The following LRRC52 variants were observed in gnomAD, a reference collection of about 807,000 sequenced individuals.
LRRC52 encodes leucine rich repeat containing 52.
Under a neutral mutation model 14.7 loss-of-function variants are expected in LRRC52, and 15 were observed. The ratio of observed to expected loss-of-function variants is 1.02; its 90% CI spans 0.68 to 1.58. LRRC52 has a LOEUF of 1.58. Among genes scored for constraint, LRRC52 ranks in the 40% most tolerant of loss-of-function variants. The pLI is 0.00. For missense variants in LRRC52, 400 were observed against 387.7 expected, an observed-to-expected ratio of 1.03 and a Z score of -0.27; for synonymous variants, 180 against 163.9, an observed-to-expected ratio of 1.10 and a Z score of -0.75.
Position 165,546,544 on chromosome 1 carries a change from T to C in LRRC52, c.622+1626T>C, listed in dbSNP as rs2101823054. 2.0e-5 allele frequency among the ~76,000 whole-genome samples: 3 copies of C among 152,304 alleles called. No homozygotes were observed. The Middle Eastern group carries it at 0.01, about 518-fold the overall frequency. ...GACCTGTGGTCCATAAAGGGGATTC[T>C]CCCCTGTCCATGTTCCTGTAAATTA... On this transcript the variant is annotated intron_variant, in intron 1 of 1. Transcript: ENST00000294818.
At chr1:165,556,268 A>C (rs10753682) in intron 1 of LRRC52, among the ~76,000 whole-genome samples, 96,036 of 152,136 alleles carry the variant, frequency 0.63, 32,634 homozygotes, top group East Asian at 0.87. Context: ...GTAACCTAAA[A>C]CACCTGTAAA....
intron 1 of LRRC52, among the ~76,000 whole-genome samples, chr1:165,560,527 T>C (rs533337664): frequency 2.6e-5 from 4 of 152,180 alleles, no homozygotes; most frequent in Admixed American, 6.5e-5. Context: ...TCATGCAAGA[T>C]AGAATGTGAT....
intron 1 of LRRC52, among the ~76,000 whole-genome samples, chr1:165,561,309 C>T (rs1037153994): frequency 1.3e-5 from 2 of 152,180 alleles, no homozygotes; most frequent in Non-Finnish European, 2.9e-5. Flanking sequence ...ATGAGATAAA[C>T]CCCCCTAGAC....
Position 165,563,654 on chromosome 1 carries a change from G to A in LRRC52, c.772G>A (p.Ala258Thr), listed in dbSNP as rs1331070925. The A allele has an allele frequency of 3.0e-5, 48 of 1,614,062 alleles. No homozygotes were observed. Among genetic ancestry groups the A allele is most frequent in the African/African-American group, 8.0e-5 (6 of 74,922 alleles). ...LLLIGFCIFA[A>T]GTVAAWLTGV... is the part of the protein sequence containing the mutation. ...GCTCATCGGCTTCTGCATCTTCGCC[G>A]CGGGAACTGTGGCTGCCTGGCTCAC... The change falls in exon 2 of 2, where the codon GCG (alanine) becomes ACG (threonine). Residue 258 changes from alanine (A) to threonine (T), a missense_variant. Coordinates refer to ENST00000294818, the MANE Select transcript of LRRC52 (RefSeq NM_001005214.4).
intron 1 of LRRC52, among the ~76,000 whole-genome samples, chr1:165,547,308 A>C (rs1661043523): frequency 6.6e-6 from 1 of 152,196 alleles, no homozygotes; most frequent in African/African-American, 2.4e-5. Context: ...TATAAATATA[A>C]GTTATATTAT....
intron 1 of LRRC52, among the ~76,000 whole-genome samples, chr1:165,557,548 A>G (rs1458170098): frequency 2.6e-5 from 4 of 152,212 alleles, no homozygotes; most frequent in Non-Finnish European, 5.9e-5. Flanking sequence ...CAGACAAAAA[A>G]TTCTTATGCT....
intron 1 of LRRC52, among the ~76,000 whole-genome samples, chr1:165,552,348 G>C (rs1661148746): frequency 6.6e-6 from 1 of 152,196 alleles, no homozygotes; most frequent in African/African-American, 2.4e-5. Context: ...ACCTCAGTTT[G>C]CTCATCTTTA....
At position 165,558,170 on chromosome 1, in the gene LRRC52, T is replaced by C. The variant is rs1382588951; in HGVS notation, c.623-5335T>C. Among the ~76,000 whole-genome samples, 6 of 152,360 alleles carry C rather than the reference T, an allele frequency of 3.9e-5. No individual in the cohort carries two copies. The East Asian group carries it at 9.6e-4, about 25-fold the overall frequency. ...ATTCTGACAAAGAGGTTTTCTGCCTTTGAGCAATATGTTGTGTACAGAAAT... is the reference window on the plus strand; with the variant it reads ...ATTCTGACAAAGAGGTTTTCTGCCTCTGAGCAATATGTTGTGTACAGAAAT... On this transcript the variant is annotated intron_variant, in intron 1 of 1. Coordinates refer to ENST00000294818, the MANE Select transcript of LRRC52 (RefSeq NM_001005214.4).
chr1:165,546,636 C>T (rs1396131823), intron 1 of LRRC52, among the ~76,000 whole-genome samples: 4 of 152,056 alleles, frequency 2.6e-5, no homozygotes, highest in Non-Finnish European at 5.9e-5. Context: ...TTGAGTATAG[C>T]CCATCAGGTT....
intron 1 of LRRC52, among the ~76,000 whole-genome samples, chr1:165,560,021 C>T (rs1010008226): frequency 6.6e-6 from 1 of 152,178 alleles, no homozygotes; most frequent in Non-Finnish European, 1.5e-5. Flanking sequence ...TCTAGACACA[C>T]CAGTCCACCT....
At chr1:165,559,438 A>G (rs1202387326) in intron 1 of LRRC52, among the ~76,000 whole-genome samples, 1 of 152,204 alleles carries the variant, frequency 6.6e-6, no homozygotes. Context: ...TATGGAGCAG[A>G]CCAATGCACA....
chr1:165,550,043 C>A (rs796570), intron 1 of LRRC52, among the ~76,000 whole-genome samples: 141,750 of 152,282 alleles, frequency 0.93, 66,276 homozygotes, highest in East Asian at 1. Context: ...CTGACCAATA[C>A]AGACTGAAAA....
In LRRC52 at chr1:165,563,840, A is replaced by G. The variant is rs1661400225; in HGVS notation, c.*16A>G. ...GCTTATTTAGTTGCCAGAGACCACT[A>G]TCTTATGTGCCTCCCCCAGGCTCCC... On this transcript the variant is annotated 3_prime_UTR_variant, in exon 2 of 2. Transcript: ENST00000294818. 1.9e-6 allele frequency: 3 copies of G among 1,608,166 alleles called. No individual in the cohort carries two copies. The highest frequency in any genetic ancestry group is 2.6e-6 in the Non-Finnish European group (3 of 1,176,144).
chr1:165,549,400 C>G (rs1475479078), intron 1 of LRRC52, among the ~76,000 whole-genome samples: 1 of 152,214 alleles, frequency 6.6e-6, no homozygotes, highest in East Asian at 1.9e-4. Flanking sequence ...GCAATAAATA[C>G]TTTTGCCCCA....
Position 165,544,056 on chromosome 1 carries a change from C to T in LRRC52, c.-241C>T, listed in dbSNP as rs1176596970. ...AGACCTTTCAAAGCTGCCAAGTGGGCAAGCTTCCAGCAGCAGTCTGGGAGC... is the reference window on the plus strand; with the variant it reads ...AGACCTTTCAAAGCTGCCAAGTGGGTAAGCTTCCAGCAGCAGTCTGGGAGC... On this transcript the variant is annotated 5_prime_UTR_variant, in exon 1 of 2. Coordinates refer to ENST00000294818, the MANE Select transcript of LRRC52 (RefSeq NM_001005214.4). The T allele has an allele frequency of 7.1e-6, 4 of 560,436 alleles. No individual in the cohort carries two copies. The African/African-American group carries it at 7.5e-5, about 11-fold the overall frequency. 34.7% of individuals were successfully genotyped at this position (560,436 alleles called of 1,614,324 possible). A position where few individuals can be genotyped will look rare whatever the true frequency, so the allele number is the denominator to read the frequency against.
intron 1 of LRRC52, among the ~76,000 whole-genome samples, chr1:165,557,569 G>A (rs1482145378): frequency 2.0e-5 from 3 of 152,182 alleles, no homozygotes; most frequent in Non-Finnish European, 4.4e-5. Context: ...CATAGTATCT[G>A]TAATCTAATG....
At chr1:165,547,838 A>C (rs1661053291) in intron 1 of LRRC52, among the ~76,000 whole-genome samples, 1 of 152,244 alleles carries the variant, frequency 6.6e-6, no homozygotes, top group South Asian at 2.1e-4. Context: ...GAACACACAT[A>C]CAGTAAAATT....
At chr1:165,545,843 T>C (rs1026447276) in intron 1 of LRRC52, among the ~76,000 whole-genome samples, 1 of 152,110 alleles carries the variant, frequency 6.6e-6, no homozygotes, top group Non-Finnish European at 1.5e-5. Flanking sequence ...TCACAGAAAG[T>C]CTGGAGCCAC....
At chr1:165,559,191 C>T (rs1476450051) in intron 1 of LRRC52, among the ~76,000 whole-genome samples, 1 of 152,170 alleles carries the variant, frequency 6.6e-6, no homozygotes, top group African/African-American at 2.4e-5. Flanking sequence ...GAGTCCGAGA[C>T]CAGCCTGGCC....
Sources: allele counts gnomAD v4.1 joint callset (sites outside exome capture counted in the v4.1 genomes callset), GRCh38; gene constraint gnomAD v4.1.1; transcripts MANE v1.5; gene names NCBI Gene and HGNC (gene_info 2026-07-23, HGNC 2026-07-21).